PBX1: variants seen among roughly 807,000 people sequenced by gnomAD.
The protein encoded by PBX1 is PBX homeobox 1, also known as pre-B-cell leukemia transcription factor 1.
A neutral mutation model predicts 53.4 loss-of-function variants in PBX1; 6 were observed. The ratio of observed to expected loss-of-function variants is 0.11; its 90% CI spans 0.06 to 0.22. The LOEUF is 0.22. PBX1 is among the 10% of genes least tolerant of loss of function. The pLI, the probability that PBX1 is intolerant of heterozygous loss-of-function variation, is 1.00. For synonymous variants in PBX1, 204 were observed against 212.3 expected (o/e 0.96, Z 0.34); for missense variants, 251 against 551.4 (o/e 0.46, Z 5.46).
chr1:164,749,830 G>C (rs972979448), intron 2 of PBX1, among the ~76,000 whole-genome samples: 1 of 152,172 alleles, frequency 6.6e-6, no homozygotes, highest in Non-Finnish European at 1.5e-5. Context: ...GCATCTGACA[G>C]ATCAAGAGGA....
chr1:164,709,848 C>T (rs951572098), intron 2 of PBX1, among the ~76,000 whole-genome samples: 5 of 152,140 alleles, frequency 3.3e-5, no homozygotes, highest in African/African-American at 1.2e-4. Flanking sequence ...CAGTGAAATA[C>T]CAGAAGTCGT....
intron 2 of PBX1, among the ~76,000 whole-genome samples, chr1:164,570,241 A>AT: frequency 1.3e-5 from 2 of 152,066 alleles, no homozygotes; most frequent in Admixed American, 1.3e-4. Context: ...TAAGTTCTGG[A>AT]ACACGTGTGT....
chr1:164,569,728 A>C (rs2101707389), intron 2 of PBX1, among the ~76,000 whole-genome samples: 1 of 151,880 alleles, frequency 6.6e-6, no homozygotes, highest in Non-Finnish European at 1.5e-5. Context: ...TCACCAGCTA[A>C]ATTTTGTGTT....
chr1:164,612,394 T>C (rs557708757), intron 2 of PBX1, among the ~76,000 whole-genome samples: 1 of 152,126 alleles, frequency 6.6e-6, no homozygotes, highest in East Asian at 1.9e-4. Context: ...GAAAGGGGGA[T>C]GGGGGGACTT....
At chr1:164,825,265 G>A (rs774147862) in intron 8 of PBX1, among the ~76,000 whole-genome samples, 6 of 151,952 alleles carry the variant, frequency 3.9e-5, no homozygotes, top group South Asian at 2.1e-4. Flanking sequence ...CTCCTCCTTC[G>A]TGTCTTTCTT....
intron 2 of PBX1, among the ~76,000 whole-genome samples, chr1:164,638,642 T>C (rs1334810778): frequency 6.6e-6 from 1 of 152,202 alleles, no homozygotes; most frequent in African/African-American, 2.4e-5. Context: ...GACTACTGAT[T>C]GTTCTTTGAG....
intron 2 of PBX1, among the ~76,000 whole-genome samples, chr1:164,637,470 A>G (rs1388000368): frequency 6.6e-6 from 1 of 152,190 alleles, no homozygotes; most frequent in Non-Finnish European, 1.5e-5. Flanking sequence ...TCAAGTGCCT[A>G]CTGGGATGCT....
chr1:164,664,367 T>G (rs1660684766), intron 2 of PBX1, among the ~76,000 whole-genome samples: 1 of 152,174 alleles, frequency 6.6e-6, no homozygotes, highest in African/African-American at 2.4e-5. Context: ...CAACTGGTGT[T>G]GGCCGTACCA....
chr1:164,813,046 G>T (rs976347519), intron 6 of PBX1: 1 of 152,134 alleles, frequency 6.6e-6, no homozygotes, highest in Non-Finnish European at 1.5e-5. Context: ...ATTTAAATAT[G>T]TTTGATCGTA....
rs149528834 is a variant in PBX1, at chr1:164,628,822, T to C, written c.265+65511T>C. Among the ~76,000 whole-genome samples, 991 of 152,292 alleles carry C rather than the reference T, an allele frequency of 6.5e-3. 1 individual carries two copies. Among genetic ancestry groups the C allele is most frequent in the Middle Eastern group, 0.014 (4 of 294 alleles). ...CGCCTTATTACTCACGAGTGAGCTA[T>C]ACAGGTCTTCCTTAACAAGTGGCAA... On this transcript the variant is annotated intron_variant, in intron 2 of 8. Transcript: ENST00000420696.
chr1:164,562,080 G>A (rs990094062), intron 1 of PBX1, among the ~76,000 whole-genome samples: 1 of 151,338 alleles, frequency 6.6e-6, no homozygotes, highest in Non-Finnish European at 1.5e-5. Context: ...CCTTTATAAT[G>A]TGTATTTATT....
At chr1:164,733,134 G>C (rs1434593425) in intron 2 of PBX1, among the ~76,000 whole-genome samples, 1 of 152,096 alleles carries the variant, frequency 6.6e-6, no homozygotes, top group Non-Finnish European at 1.5e-5. Flanking sequence ...TTTCTCACCA[G>C]GTTCTGAGAT....
chr1:164,587,657 C>A (rs1042840988), intron 2 of PBX1, among the ~76,000 whole-genome samples: 1 of 152,104 alleles, frequency 6.6e-6, no homozygotes, highest in African/African-American at 2.4e-5. Context: ...CACTTCCTAA[C>A]CCAGTTTCTC....
Position 164,809,645 on chromosome 1 carries a change from A to G in PBX1, c.837+1968A>G, listed in dbSNP as rs565868676. ...AATCTTTCTCCTAATTCCCAAAGCC[A>G]GGGAATACCTCTTGGGCTGTATCAT... On this transcript the variant is annotated intron_variant, in intron 5 of 8. Transcript: ENST00000420696. 6.6e-5 allele frequency among the ~76,000 whole-genome samples: 10 copies of G among 152,316 alleles called. 1 individual carries two copies. Among genetic ancestry groups the G allele is most frequent in the African/African-American group, 2.4e-4 (10 of 41,590 alleles).
rs189212751 is a variant in PBX1 at position 164,581,235 on chromosome 1, T to C, written c.265+17924T>C. Among the ~76,000 whole-genome samples the C allele has an allele frequency of 8.4e-3, 1,269 of 151,736 alleles. 22 individuals are homozygous for C. The highest frequency in any genetic ancestry group is 0.029 in the African/African-American group (1,208 of 41,374). ...AGCAGCTCCCCGACCGCCATTTTTT[T>C]TTTTTTTTTTGAGATGGAGTCTCAC... On this transcript the variant is annotated intron_variant, in intron 2 of 8. Coordinates refer to ENST00000420696, the MANE Select transcript of PBX1 (RefSeq NM_002585.4).
At chr1:164,776,899 T>TTGTGTGTGTG (rs368787176) in intron 2 of PBX1, among the ~76,000 whole-genome samples, 4 of 97,164 alleles carry the variant, frequency 4.1e-5, no homozygotes, top group African/African-American at 1.7e-4. Flanking sequence ...GGTTTTACAT[T>TTGTGTGTGTG]TGTGTGTGTG....
chr1:164,867,223 C>T (rs1250142544), intron 2 of PBX1, among the ~76,000 whole-genome samples: 7 of 152,230 alleles, frequency 4.6e-5, no homozygotes, highest in South Asian at 2.1e-4. Flanking sequence ...ATCAGTAGAG[C>T]GGGAATCTCT....
rs577252675 is a variant in PBX1 at position 164,833,726 on chromosome 1, G to A, written c.1200+12100G>A. Among the ~76,000 whole-genome samples the A allele has an allele frequency of 2.0e-5, 3 of 152,192 alleles. No homozygotes were observed. In the East Asian group the frequency reaches 5.8e-4, roughly 29 times the overall value. Reference sequence around the variant, plus strand: ...GCTCAATGAATGCTTTTCAAAGTGAGCCTAGTTGAACCTGTTGTCAGTGGG... The same window carrying A: ...GCTCAATGAATGCTTTTCAAAGTGAACCTAGTTGAACCTGTTGTCAGTGGG... On this transcript the variant is annotated intron_variant, in intron 8 of 8. Transcript: ENST00000420696.
At chr1:164,565,801 C>G (rs971731303) in intron 2 of PBX1, among the ~76,000 whole-genome samples, 2 of 150,652 alleles carry the variant, frequency 1.3e-5, no homozygotes, top group Admixed American at 6.6e-5. Flanking sequence ...GTGAAAACAT[C>G]GCTTGAGTGA....
Sources: gnomAD v4.1 joint callset for allele counts (sites outside exome capture counted in the v4.1 genomes callset) on GRCh38, gnomAD v4.1.1 for gene constraint, MANE v1.5 for transcripts, NCBI Gene and HGNC (gene_info 2026-07-23, HGNC 2026-07-21) for gene names.